The following CLCN4 variants were observed in gnomAD, a reference collection of about 807,000 sequenced individuals.
CLCN4 encodes the protein Cl-/H+ antiporter 4.
Under a neutral mutation model 41.7 loss-of-function variants are expected in CLCN4, and 1 was observed. The observed-to-expected ratio is 0.02, with a 90% confidence interval of 0.01 to 0.11. The LOEUF (loss-of-function observed/expected upper bound fraction) is 0.11. Ranked by LOEUF, CLCN4 falls within the 10% of genes least tolerant of loss-of-function variation. The pLI is 1.00. For synonymous variants in CLCN4, 277 were observed against 285.8 expected (o/e 0.97, Z 0.31); for missense variants, 287 against 661.0 (o/e 0.43, Z 6.20).
chrX:10,226,290 G>A (rs958795542), intron 12 of CLCN4, among the ~76,000 whole-genome samples: 8 of 111,572 alleles, frequency 7.2e-5, no homozygotes, highest in Admixed American at 3.8e-4. Flanking sequence ...GCTCCTGAAT[G>A]ACTCCTGGGT....
intron 6 of CLCN4, among the ~76,000 whole-genome samples, chrX:10,203,827 G>A (rs901824964): frequency 8.9e-6 from 1 of 111,843 alleles, no homozygotes; most frequent in Non-Finnish European, 1.9e-5. Context: ...GACTGTAGTA[G>A]CTATTTGAGA....
In CLCN4 at chrX:10,220,794, A is replaced by G. The variant is rs374361593; in HGVS notation, c.2109A>G (p.Thr703=). The G allele has an allele frequency of 1.8e-5, 22 of 1,210,268 alleles. No individual in the cohort carries two copies. Among genetic ancestry groups the G allele is most frequent in the Non-Finnish European group, 2.3e-5 (21 of 895,255 alleles). The change falls in exon 12 of 13, where the codon ACA becomes ACG. Residue 703 remains threonine, a synonymous_variant. Coordinates refer to ENST00000380833, the MANE Select transcript of CLCN4 (RefSeq NM_001830.4). The stretch of plus-strand genomic sequence containing the variant: ...GCATCCTGAACCTCAGCCCGTTTAC[A>G]GTGACAGACCACACTCCGATGGAAA... ...LRRILNLSPF[T]VTDHTPMETV... is the part of the protein sequence containing the mutation.
intron 2 of CLCN4, among the ~76,000 whole-genome samples, chrX:10,158,953 G>A (rs1163989556): frequency 9.7e-5 from 11 of 113,044 alleles, no homozygotes; most frequent in Non-Finnish European, 1.7e-4. Flanking sequence ...CTTAAATAAC[G>A]ACATGTTTAC....
At chrX:10,218,969 C>T (rs1277526975) in intron 11 of CLCN4, among the ~76,000 whole-genome samples, 3 of 112,085 alleles carry the variant, frequency 2.7e-5, no homozygotes, top group Non-Finnish European at 1.9e-5. Context: ...CCTACTCATC[C>T]GTTCATTCAT....
intron 8 of CLCN4, among the ~76,000 whole-genome samples, 167 bp downstream of exon 8, chrX:10,206,943 T>C (rs187220860): frequency 4.1e-4 from 45 of 111,080 alleles, no homozygotes; most frequent in African/African-American, 1.3e-3. Context: ...TTTTTGAGAC[T>C]GAGTCTCACT....
At position 10,237,412 on chromosome X, in the gene CLCN4, T is replaced by C. The variant is rs1399895046; in HGVS notation, c.*3828T>C. ...CCTGTATATCTGACTTGGGAAACAT[T>C]AAGCAGACCCTATTTTCACTGGCGC... On this transcript the variant is annotated 3_prime_UTR_variant, in exon 13 of 13. Coordinates refer to ENST00000380833, the MANE Select transcript of CLCN4 (RefSeq NM_001830.4). The C allele has an allele frequency of 8.9e-6, 1 of 111,885 alleles. No homozygotes were observed. Among genetic ancestry groups the C allele is most frequent in the African/African-American group, 3.3e-5 (1 of 30,743 alleles). The allele number at this position is 111,885 out of a possible 1,213,427, so 9.2% of individuals were successfully genotyped here.
At position 10,165,597 on chromosome X, in the gene CLCN4, C is replaced by T. The variant is rs1183007167; in HGVS notation, c.-12+7046C>T. Among the ~76,000 whole-genome samples the T allele has an allele frequency of 5.3e-5, 6 of 112,288 alleles. No homozygotes were observed. In the Admixed American group the frequency reaches 5.6e-4, roughly 11 times the overall value. On this transcript the variant is annotated intron_variant, in intron 2 of 12. Coordinates refer to ENST00000380833, the MANE Select transcript of CLCN4 (RefSeq NM_001830.4). ...GCTCCTCTCTGTGGCTGCCGCTCCC[C>T]TGAGCCTTGCCCGCAGTTTCGCGAT...
intron 2 of CLCN4, among the ~76,000 whole-genome samples, chrX:10,172,125 C>A (rs1923398928): frequency 8.9e-6 from 1 of 112,169 alleles, no homozygotes; most frequent in African/African-American, 3.2e-5. Context: ...AGTCTCAGGT[C>A]TGCTATATTA....
chrX:10,167,855 G>A (rs189931266), intron 2 of CLCN4, among the ~76,000 whole-genome samples: 1 of 112,713 alleles, frequency 8.9e-6, no homozygotes, highest in Non-Finnish European at 1.9e-5. Flanking sequence ...TAGTGATGCA[G>A]CTTCAGATAA....
chrX:10,157,528 T>C (rs1359236140), intron 1 of CLCN4, among the ~76,000 whole-genome samples: 2 of 112,980 alleles, frequency 1.8e-5, no homozygotes, highest in African/African-American at 6.4e-5. Context: ...AAAACGCTTG[T>C]GTATTTTGGC....
chrX:10,219,828 A>G lies in CLCN4; in HGVS notation c.1976-833A>G, dbSNP rs780472515. ...AGATTAAAATTCCAACAGAAGGAAA[A>G]TCGCCTTGGAGAAATATCTTGAGAC... On this transcript the variant is annotated intron_variant, in intron 11 of 12. Transcript: ENST00000380833. 1.7e-3 allele frequency among the ~76,000 whole-genome samples: 191 copies of G among 112,335 alleles called. 1 individual carries two copies. Among genetic ancestry groups the G allele is most frequent in the African/African-American group, 5.6e-3 (173 of 30,946 alleles).
rs1925276756 is a variant in CLCN4, at chrX:10,237,338, CTA to C, written c.*3756_*3757del. 8.9e-6 allele frequency: 1 copy of C among 112,188 alleles called. No homozygotes were observed. Among genetic ancestry groups the C allele is most frequent in the African/African-American group, 3.2e-5 (1 of 30,866 alleles). 9.2% of individuals were successfully genotyped at this position (112,188 alleles called of 1,213,427 possible). A position where few individuals can be genotyped will look rare whatever the true frequency, so the allele number is the denominator to read the frequency against. On this transcript the variant is annotated 3_prime_UTR_variant, in exon 13 of 13. Transcript: ENST00000380833. ...GCTTTAATTTTGTATGGGCAGTGTTCTATCAGACTAAGCTTCTAGCCTTTGAA... is the reference window on the plus strand; with the variant it reads ...GCTTTAATTTTGTATGGGCAGTGTTCTCAGACTAAGCTTCTAGCCTTTGAA...
At chrX:10,160,598 T>C (rs1669437386) in intron 2 of CLCN4, among the ~76,000 whole-genome samples, 1 of 111,473 alleles carries the variant, frequency 9.0e-6, no homozygotes, top group African/African-American at 3.3e-5. Context: ...CAGTGTCCAC[T>C]CGGAGGTGTT....
At position 10,206,446 on chromosome X, in the gene CLCN4, T is replaced by C; in HGVS notation, c.644T>C (p.Val215Ala). 1 of 1,210,220 alleles carries C rather than the reference T, an allele frequency of 8.3e-7. No homozygotes were observed. The highest frequency in any genetic ancestry group is 1.1e-6 in the Non-Finnish European group (1 of 894,754). ...LIKTVTLVLVVSSGLSLGKEG... is the reference protein window; with the variant it reads ...LIKTVTLVLVASSGLSLGKEG... Reference sequence around the variant, plus strand: ...AAGACAGTCACGCTGGTGCTGGTAGTGTCCTCCGGTCTGAGCCTTGGGAAG... The same window carrying C: ...AAGACAGTCACGCTGGTGCTGGTAGCGTCCTCCGGTCTGAGCCTTGGGAAG... The change falls in exon 7 of 13, where the codon GTG (valine) becomes GCG (alanine). Residue 215 changes from valine (V) to alanine (A), a missense_variant. Val to Ala is a moderately conservative substitution (Grantham distance 64). Coordinates refer to ENST00000380833, the MANE Select transcript of CLCN4 (RefSeq NM_001830.4).
rs1218234802 is a variant in CLCN4, at chrX:10,207,301, C to T, written c.843+525C>T. 1.2e-4 allele frequency among the ~76,000 whole-genome samples: 14 copies of T among 112,669 alleles called. No individual in the cohort carries two copies. The Admixed American group carries it at 1.3e-3, about 11-fold the overall frequency. On this transcript the variant is annotated intron_variant, in intron 8 of 12. Coordinates refer to ENST00000380833, the MANE Select transcript of CLCN4 (RefSeq NM_001830.4). The stretch of plus-strand genomic sequence containing the variant: ...TTTAAAAAGATTTACAGTATTCTCC[C>T]TCTCATAACCAACTTAATTAAGCAT...
intron 2 of CLCN4, among the ~76,000 whole-genome samples, chrX:10,176,422 C>T (rs1266610461): frequency 8.9e-6 from 1 of 112,814 alleles, no homozygotes; most frequent in African/African-American, 3.2e-5. Context: ...GTCCAGTAAT[C>T]GCAATGGAGA....
intron 11 of CLCN4, among the ~76,000 whole-genome samples, chrX:10,219,079 C>T (rs1487192007): frequency 8.9e-6 from 1 of 112,867 alleles, no homozygotes; most frequent in Non-Finnish European, 1.9e-5. Flanking sequence ...GAGCTAGTGG[C>T]TGTTAGAATC....
At chrX:10,213,568 G>T in intron 10 of CLCN4, 113 bp from the exon 11 acceptor site, 2 of 699,816 alleles carry the variant, frequency 2.9e-6, no homozygotes, top group Non-Finnish European at 2.2e-6. Flanking sequence ...AGGAGAGTCT[G>T]CTTGGAACAG....
chrX:10,197,983 G>C lies in CLCN4; in HGVS notation c.477G>C (p.Trp159Cys). 1 of 1,210,232 alleles carries C rather than the reference G, an allele frequency of 8.3e-7. No individual in the cohort carries two copies. Among genetic ancestry groups the C allele is most frequent in the East Asian group, 3.0e-5 (1 of 33,807 alleles). Residue 159 changes from tryptophan to cysteine, a missense_variant, in exon 6 of 13, where the codon TGG (tryptophan) becomes TGC (cysteine). Trp to Cys is a radical substitution (Grantham distance 215). Transcript: ENST00000380833. ...YILNYLMYIL[W>C]ALLFAFLAVS... is the part of the protein sequence containing the mutation. Reference sequence around the variant, plus strand: ...TGAATTACTTAATGTACATCCTATGGGCGCTGCTGTTTGCATTTTTGGCTG... The same window carrying C: ...TGAATTACTTAATGTACATCCTATGCGCGCTGCTGTTTGCATTTTTGGCTG...
Sources: gnomAD v4.1 joint callset for allele counts (sites outside exome capture counted in the v4.1 genomes callset) on GRCh38, gnomAD v4.1.1 for gene constraint, MANE v1.5 for transcripts, NCBI Gene and HGNC (gene_info 2026-07-23, HGNC 2026-07-21) for gene names.